MME: variants seen among roughly 807,000 people sequenced by gnomAD.
MME encodes the protein neprilysin.
Under a neutral mutation model 113.2 loss-of-function variants are expected in MME, and 98 were observed. That is an observed-to-expected ratio of 0.87 (90% CI 0.74 to 1.02). The LOEUF (loss-of-function observed/expected upper bound fraction) is 1.02, where lower values mean the gene tolerates loss of function less well. Among genes scored for constraint, MME ranks in the 50% least tolerant of loss-of-function variants. MME has a pLI of 0.00. For missense variants in MME, 836 were observed against 896.0 expected (o/e 0.93, Z 0.86); for synonymous variants, 292 against 300.6 (o/e 0.97, Z 0.30).
At chr3:155,176,290 G>A (rs1313358971) in intron 22 of MME, among the ~76,000 whole-genome samples, 1 of 152,008 alleles carries the variant, frequency 6.6e-6, no homozygotes, top group African/African-American at 2.4e-5. Flanking sequence ...TGTTTGCCAA[G>A]GGAATAAACA....
intron 22 of MME, among the ~76,000 whole-genome samples, chr3:155,177,493 A>G (rs529960927): frequency 5.5e-4 from 84 of 152,322 alleles, no homozygotes; most frequent in African/African-American, 2.0e-3. Context: ...ATTCCTACAT[A>G]AACAGTCACT....
intron 1 of MME, among the ~76,000 whole-genome samples, chr3:155,027,267 T>C (rs1167126490): frequency 6.6e-6 from 1 of 152,170 alleles, no homozygotes; most frequent in Non-Finnish European, 1.5e-5. Flanking sequence ...CCTGTCTCTC[T>C]CTTCTCTTGT....
intron 10 of MME, among the ~76,000 whole-genome samples, chr3:155,140,968 A>G (rs1721040788): frequency 6.6e-6 from 1 of 152,150 alleles, no homozygotes; most frequent in African/African-American, 2.4e-5. Context: ...TAAAAAGAAA[A>G]GCTCTCTCAT....
intron 3 of MME, among the ~76,000 whole-genome samples, chr3:155,088,210 G>GCA (rs1334665055): frequency 4.2e-5 from 6 of 141,698 alleles, no homozygotes; most frequent in South Asian, 2.2e-4. Context: ...ACACTCGTGC[G>GCA]CGCACACACA....
intron 1 of MME, among the ~76,000 whole-genome samples, chr3:155,063,494 TA>T (rs1714249141): frequency 3.6e-5 from 4 of 109,768 alleles, no homozygotes; most frequent in Non-Finnish European, 5.1e-5. Context: ...TATATATATA[TA>T]TTTAAATATA....
At chr3:155,069,534 C>T (rs762344448) in intron 1 of MME, among the ~76,000 whole-genome samples, 1 of 152,140 alleles carries the variant, frequency 6.6e-6, no homozygotes, top group South Asian at 2.1e-4. Flanking sequence ...GAGCACTAAC[C>T]TGGCCCTTTT....
chr3:155,049,476 G>C (rs1483999639), intron 1 of MME, among the ~76,000 whole-genome samples: 1 of 152,098 alleles, frequency 6.6e-6, no homozygotes, highest in Non-Finnish European at 1.5e-5. Flanking sequence ...AATGAGTAGA[G>C]GCTGGAAGAA....
rs766701564 is a variant in MME, at chr3:155,132,566, G to C, written c.721-5536G>C. Among the ~76,000 whole-genome samples the C allele has an allele frequency of 6.2e-4, 94 of 151,902 alleles. 1 individual carries two copies. The highest frequency in any genetic ancestry group is 1.2e-3 in the Non-Finnish European group (83 of 67,944). The stretch of plus-strand genomic sequence containing the variant: ...TTAAGAAAAGCTACATAAATGTTTT[G>C]GTGGATTCTTCTTCACGTAAACAAT... On this transcript the variant is annotated intron_variant, in intron 8 of 22. Transcript: ENST00000360490.
chr3:155,151,143 C>A (rs920289223), intron 16 of MME, among the ~76,000 whole-genome samples: 6 of 152,006 alleles, frequency 3.9e-5, no homozygotes, highest in Non-Finnish European at 5.9e-5. Flanking sequence ...AAGTTCAAGT[C>A]CTTGCTGTGT....
intron 1 of MME, among the ~76,000 whole-genome samples, chr3:155,052,915 T>C (rs1029991774): frequency 5.3e-5 from 8 of 152,200 alleles, no homozygotes; most frequent in Admixed American, 2.0e-4. Flanking sequence ...AAATTTCTTC[T>C]GCCAGATACT....
chr3:155,114,852 C>G (rs1409659074), intron 3 of MME, 142 bp from the exon 4 acceptor site: 2 of 776,542 alleles, frequency 2.6e-6, no homozygotes, highest in Non-Finnish European at 4.4e-6. Context: ...TCCTCATCCC[C>G]CTGAATTGAC....
intron 8 of MME, among the ~76,000 whole-genome samples, chr3:155,131,882 T>A (rs1487020903): frequency 6.6e-6 from 1 of 152,156 alleles, no homozygotes; most frequent in African/African-American, 2.4e-5. Flanking sequence ...GTTTCTAAGC[T>A]TTTTTGGTAG....
rs775716317 is a variant in MME, at chr3:155,172,124, A to G, written c.1988A>G (p.Gln663Arg). 2 of 1,586,440 alleles carry G rather than the reference A, an allele frequency of 1.3e-6. No homozygotes were observed. Among genetic ancestry groups the G allele is most frequent in the Non-Finnish European group, 1.7e-6 (2 of 1,155,420 alleles). ...ATTTTATCAACTGCCTAGGCCTATC[A>G]GAATTATATTAAAAAGAATGGCGAA... ...GGLGQAYRAY[Q>R]NYIKKNGEEK... is the part of the protein sequence containing the mutation. The change falls in exon 21 of 23, where the codon CAG becomes CGG. Residue 663 changes from glutamine (Q) to arginine (R), a missense_variant. Transcript: ENST00000360490.
intron 17 of MME, among the ~76,000 whole-genome samples, chr3:155,161,643 T>A (rs1440472019): frequency 1.3e-5 from 2 of 152,168 alleles, no homozygotes; most frequent in Non-Finnish European, 2.9e-5. Context: ...TGATTTCTAT[T>A]TTTGGAGTAA....
rs368766758 is a variant in MME at position 155,101,663 on chromosome 3, G to A, written c.197-13331G>A. Among the ~76,000 whole-genome samples, 6 of 152,138 alleles carry A rather than the reference G, an allele frequency of 3.9e-5. No homozygotes were observed. In the East Asian group the frequency reaches 7.7e-4, roughly 20 times the overall value. ...ACCTCATGACCTTTTGCCAGACCACGGAGAACTGAAGTTTCCTTGGATCAA... is the reference window on the plus strand; with the variant it reads ...ACCTCATGACCTTTTGCCAGACCACAGAGAACTGAAGTTTCCTTGGATCAA... On this transcript the variant is annotated intron_variant, in intron 3 of 22. Coordinates refer to ENST00000360490, the MANE Select transcript of MME (RefSeq NM_007289.4).
chr3:155,110,037 C>T (rs1036467057), intron 3 of MME, among the ~76,000 whole-genome samples: 5 of 152,224 alleles, frequency 3.3e-5, no homozygotes, highest in African/African-American at 9.6e-5. Context: ...ATTGTCCTGC[C>T]TTTGTCCCAA....
At chr3:155,039,500 T>C (rs905606656) in intron 1 of MME, among the ~76,000 whole-genome samples, 3 of 152,218 alleles carry the variant, frequency 2.0e-5, no homozygotes, top group Non-Finnish European at 4.4e-5. Flanking sequence ...CCCTTCATTT[T>C]CTAAATAGCC....
At chr3:155,070,099 C>A (rs1292596756) in intron 1 of MME, among the ~76,000 whole-genome samples, 5 of 152,168 alleles carry the variant, frequency 3.3e-5, no homozygotes, top group Admixed American at 1.3e-4. Flanking sequence ...AAAAGCAAGA[C>A]AATCATATTG....
intron 17 of MME, among the ~76,000 whole-genome samples, chr3:155,163,006 C>T (rs1448007227): frequency 1.7e-5 from 2 of 114,486 alleles, no homozygotes; most frequent in Non-Finnish European, 3.6e-5. Context: ...AAACAAAACT[C>T]TGTCTCAAAA....
Sources: allele counts gnomAD v4.1 joint callset (sites outside exome capture counted in the v4.1 genomes callset), GRCh38; gene constraint gnomAD v4.1.1; transcripts MANE v1.5; gene names NCBI Gene and HGNC (gene_info 2026-07-23, HGNC 2026-07-21).